Variants in DCUN1D4 observed in about 807,000 individuals in gnomAD.
DCUN1D4 encodes the protein defective in cullin neddylation 1 domain containing 4.
A neutral mutation model predicts 47.9 loss-of-function variants in DCUN1D4; 22 were observed. The ratio of observed to expected loss-of-function variants is 0.46; its 90% confidence interval spans 0.33 to 0.66. The LOEUF (loss-of-function observed/expected upper bound fraction) is 0.66. Ranked by LOEUF, DCUN1D4 falls within the 30% of genes least tolerant of loss-of-function variation. DCUN1D4 has a pLI of 0.02. For synonymous variants in DCUN1D4, 121 were observed against 112.2 expected (o/e 1.08, Z -0.50); for missense variants, 301 against 340.8 (o/e 0.88, Z 0.92).
chr4:51,836,821 C>A, the DCUN1D4 span, among the ~76,000 whole-genome samples: 1 of 152,144 alleles, frequency 6.6e-6, no homozygotes, highest in African/African-American at 2.4e-5. Flanking sequence ...TTCACTTTGC[C>A]ATAATGAGAT....
chr4:51,852,315 C>G (rs186340270), intron 1 of DCUN1D4, among the ~76,000 whole-genome samples: 55 of 152,268 alleles, frequency 3.6e-4, no homozygotes, highest in African/African-American at 1.3e-3. Flanking sequence ...TTTAAATAGA[C>G]TTTGTTATTT....
chr4:51,860,996 G>A (rs1221263560), intron 1 of DCUN1D4, among the ~76,000 whole-genome samples: 1 of 152,192 alleles, frequency 6.6e-6, no homozygotes, highest in Non-Finnish European at 1.5e-5. Context: ...GGAGAATGGT[G>A]TAAGTAAATA....
At chr4:51,899,975 A>G (rs1731851653) in intron 8 of DCUN1D4, among the ~76,000 whole-genome samples, 2 of 152,210 alleles carry the variant, frequency 1.3e-5, no homozygotes, top group South Asian at 2.1e-4. Context: ...TAGTCACCAT[A>G]CATAGAGAAT....
chr4:51,891,989 T>C (rs1411449223), intron 7 of DCUN1D4, 138 bp downstream of exon 7: 5 of 653,702 alleles, frequency 7.6e-6, no homozygotes, highest in Non-Finnish European at 5.3e-6. Flanking sequence ...TGGCCAAAGA[T>C]GTAAAGACTA....
chr4:51,904,110 T>C (rs1732518457), intron 8 of DCUN1D4, among the ~76,000 whole-genome samples: 1 of 152,162 alleles, frequency 6.6e-6, no homozygotes, highest in African/African-American at 2.4e-5. Flanking sequence ...TTGTATTCCT[T>C]TAGATAGCGT....
At chr4:51,845,050 C>T in intron 1 of DCUN1D4, 5 of 985,404 alleles carry the variant, frequency 5.1e-6, no homozygotes, top group Non-Finnish European at 6.0e-6. Flanking sequence ...GTGAATTTCC[C>T]CCTGCATTTT....
upstream of DCUN1D4, among the ~76,000 whole-genome samples, chr4:51,839,186 A>AGAAGGAAGGAAGGAAGAAAGGAGAAG (rs1577786585): frequency 7.8e-5 from 11 of 141,650 alleles, no homozygotes; most frequent in East Asian, 2.3e-3. Context: ...GGAAGAAAGG[A>AGAAGGAAGGAAGGAAGAAAGGAGAAG]GAAGGAAGGA....
intron 1 of DCUN1D4, among the ~76,000 whole-genome samples, chr4:51,862,968 A>C (rs936994976): frequency 2.0e-5 from 3 of 152,182 alleles, no homozygotes; most frequent in Admixed American, 1.3e-4. Flanking sequence ...CCATGATTGC[A>C]CCACTGCACT....
intron 3 of DCUN1D4, 26 bp downstream of exon 3, chr4:51,863,735 A>G (rs777545860): frequency 2.7e-5 from 44 of 1,601,462 alleles, no homozygotes; most frequent in Non-Finnish European, 3.7e-5. Flanking sequence ...AACACTACTT[A>G]ATTTTAAATA....
chr4:51,911,978 T>A (rs1240668996), intron 9 of DCUN1D4, among the ~76,000 whole-genome samples: 2 of 152,190 alleles, frequency 1.3e-5, no homozygotes, highest in African/African-American at 4.8e-5. Context: ...TCTTGAATAA[T>A]CTTTCTCACA....
the DCUN1D4 span, among the ~76,000 whole-genome samples, chr4:51,836,438 C>T: frequency 5.3e-5 from 8 of 152,164 alleles, no homozygotes; most frequent in Admixed American, 2.0e-4. Flanking sequence ...TGCAGATGAA[C>T]ATATGTGTGT....
At chr4:51,894,555 A>G (rs1357201801) in intron 7 of DCUN1D4, among the ~76,000 whole-genome samples, 1 of 152,184 alleles carries the variant, frequency 6.6e-6, no homozygotes, top group Non-Finnish European at 1.5e-5. Flanking sequence ...CAGAAGTCAT[A>G]AGGTCACTTG....
chr4:51,887,426 C>T (rs542261594), intron 6 of DCUN1D4, among the ~76,000 whole-genome samples: 1 of 151,988 alleles, frequency 6.6e-6, no homozygotes, highest in Non-Finnish European at 1.5e-5. Flanking sequence ...ATGTAAAAGC[C>T]CTAGGTATTT....
chr4:51,858,021 C>T (rs1342643035), intron 1 of DCUN1D4, among the ~76,000 whole-genome samples: 1 of 152,022 alleles, frequency 6.6e-6, no homozygotes. Context: ...AATATAATGT[C>T]AGATGGTATT....
At chr4:51,892,794 C>T (rs1730632175) in intron 7 of DCUN1D4, among the ~76,000 whole-genome samples, 1 of 152,102 alleles carries the variant, frequency 6.6e-6, no homozygotes, top group Admixed American at 6.5e-5. Flanking sequence ...ATAGCATTGA[C>T]GATGAAGTGC....
At chr4:51,885,473 C>T (rs141377848) in intron 5 of DCUN1D4, among the ~76,000 whole-genome samples, 3,652 of 152,240 alleles carry the variant, frequency 0.024, 70 homozygotes, top group Non-Finnish European at 0.034. Flanking sequence ...TATCGAGAGA[C>T]ATTGGGCTCC....
upstream of DCUN1D4, among the ~76,000 whole-genome samples, chr4:51,841,359 A>T (rs1478701691): frequency 1.3e-5 from 2 of 152,228 alleles, no homozygotes; most frequent in Admixed American, 6.5e-5. Flanking sequence ...TAAAGAATGC[A>T]GGAGCAGCTT....
At chr4:51,833,948 C>T in the DCUN1D4 span, among the ~76,000 whole-genome samples, 1 of 150,890 alleles carries the variant, frequency 6.6e-6, no homozygotes, top group African/African-American at 2.4e-5. Flanking sequence ...ATTTGTATAC[C>T]AAGAGTAGAA....
intron 5 of DCUN1D4, among the ~76,000 whole-genome samples, chr4:51,883,674 A>G (rs1358665965): frequency 6.6e-6 from 1 of 152,206 alleles, no homozygotes; most frequent in Non-Finnish European, 1.5e-5. Context: ...TGATTAAATT[A>G]TTTTACACTT....
Sources: allele counts gnomAD v4.1 joint callset (sites outside exome capture counted in the v4.1 genomes callset), GRCh38; gene constraint gnomAD v4.1.1; transcripts MANE v1.5; gene names NCBI Gene and HGNC (gene_info 2026-07-23, HGNC 2026-07-21).